Variants in KAZN observed in about 807,000 individuals in gnomAD.
KAZN encodes the protein kazrin.
Under a neutral mutation model 87.4 loss-of-function variants are expected in KAZN, and 40 were observed. That is an observed-to-expected ratio of 0.46 (90% confidence interval 0.36 to 0.60). The LOEUF (loss-of-function observed/expected upper bound fraction) is 0.60, where lower values mean the gene tolerates loss of function less well. KAZN is among the 20% of genes least tolerant of loss of function. The pLI, the probability that KAZN is intolerant of heterozygous loss-of-function variation, is 0.00. For missense variants in KAZN, 898 were observed against 1,073.9 expected (o/e 0.84, Z 2.29); for synonymous variants, 466 against 458.3 (o/e 1.02, Z -0.22).
At chr1:14,056,331 A>T (rs937021760) in intron 1 of KAZN, among the ~76,000 whole-genome samples, 1 of 152,222 alleles carries the variant, frequency 6.6e-6, no homozygotes, top group African/African-American at 2.4e-5. Flanking sequence ...TTCTTCCATG[A>T]TGAAGGCAGA....
At chr1:14,976,057 A>G (rs1194797532) in intron 2 of KAZN, among the ~76,000 whole-genome samples, 6 of 150,970 alleles carry the variant, frequency 4.0e-5, no homozygotes, top group Non-Finnish European at 8.9e-5. Context: ...AAAAAAAGCA[A>G]AGAAAGTACA....
At chr1:14,991,828 C>T (rs891793328) in intron 2 of KAZN, among the ~76,000 whole-genome samples, 2 of 152,240 alleles carry the variant, frequency 1.3e-5, no homozygotes, top group Non-Finnish European at 2.9e-5. Context: ...CCAGGATCCA[C>T]TGATGCTCTA....
At chr1:14,667,479 C>T (rs1187263265) in intron 1 of KAZN, among the ~76,000 whole-genome samples, 1 of 152,202 alleles carries the variant, frequency 6.6e-6, no homozygotes, top group Non-Finnish European at 1.5e-5. Flanking sequence ...CTGTGCTGTT[C>T]TCTGAACCAC....
intron 2 of KAZN, among the ~76,000 whole-genome samples, chr1:14,375,386 G>T (rs1186729849): frequency 6.6e-6 from 1 of 152,116 alleles, no homozygotes; most frequent in African/African-American, 2.4e-5. Flanking sequence ...CAGATGGCTT[G>T]CTTCTCACCC....
Position 15,066,349 on chromosome 1 carries a change from G to T in KAZN, c.1222+596G>T. The T allele has an allele frequency of 1.1e-6, 1 of 931,690 alleles. No homozygotes were observed. The highest frequency in any genetic ancestry group is 1.3e-6 in the Non-Finnish European group (1 of 785,726). The allele number at this position is 931,690 out of a possible 1,614,324, so 57.7% of individuals were successfully genotyped here. On this transcript the variant is annotated intron_variant, in intron 8 of 14. Coordinates refer to ENST00000376030, the MANE Select transcript of KAZN (RefSeq NM_201628.3). The surrounding 1 kb of genome is among the most constrained non-coding windows in gnomAD (Gnocchi z 4.3). ...TGATGTCCCCCCTCCCGCCCCCCTG[G>T]TGTGAACGTGTGGGACCAGACCCTG... is the stretch of plus-strand genomic sequence containing the variant.
intron 1 of KAZN, among the ~76,000 whole-genome samples, chr1:13,918,610 G>A (rs1639946183): frequency 6.6e-6 from 1 of 152,248 alleles, no homozygotes; most frequent in Non-Finnish European, 1.5e-5. Context: ...AAGTTCTACT[G>A]TGTATAAAAT....
chr1:14,097,952 C>G (rs1341554331), intron 1 of KAZN, among the ~76,000 whole-genome samples: 3 of 151,920 alleles, frequency 2.0e-5, no homozygotes, highest in African/African-American at 7.3e-5. Flanking sequence ...TCAGTAGTAA[C>G]AGCAAAAATA....
intron 1 of KAZN, among the ~76,000 whole-genome samples, chr1:14,762,120 G>C (rs1015270336): frequency 6.6e-6 from 1 of 152,070 alleles, no homozygotes; most frequent in Non-Finnish European, 1.5e-5. Context: ...TTCCAGAAGT[G>C]CTTTGGTAAC....
At chr1:14,434,827 G>A (rs560944673) in intron 2 of KAZN, among the ~76,000 whole-genome samples, 22 of 152,044 alleles carry the variant, frequency 1.4e-4, no homozygotes, top group African/African-American at 2.2e-4. Flanking sequence ...TCAGCCACTC[G>A]CTCTCGGTGG....
At position 14,441,476 on chromosome 1, in the gene KAZN, C is replaced by T. The variant is rs190873274; in HGVS notation, c.250-157507C>T. 2.4e-4 allele frequency among the ~76,000 whole-genome samples: 36 copies of T among 152,262 alleles called. 1 individual carries two copies. In the East Asian group the frequency reaches 3.9e-3, roughly 16 times the overall value. On this transcript the variant is annotated intron_variant, in intron 2 of 16. Transcript: ENST00000636203. ...TCAGAAACCCTGGGCGTGAGGCCAG[C>T]GACATTTTACAAGTCCTCCAGGTGA...
intron 2 of KAZN, among the ~76,000 whole-genome samples, chr1:14,430,003 C>A (rs1282227517): frequency 1.3e-5 from 2 of 152,106 alleles, no homozygotes; most frequent in African/African-American, 4.8e-5. Context: ...TCCAGCCACA[C>A]TGGCTTGGCT....
intron 1 of KAZN, among the ~76,000 whole-genome samples, chr1:14,628,019 C>T (rs571394859): frequency 5.3e-5 from 8 of 152,070 alleles, no homozygotes; most frequent in Non-Finnish European, 7.4e-5. Context: ...ACCTTCTCAC[C>T]CTCTCTTTCC....
chr1:13,999,201 T>C (rs1639665376), intron 1 of KAZN, among the ~76,000 whole-genome samples: 1 of 152,118 alleles, frequency 6.6e-6, no homozygotes, highest in South Asian at 2.1e-4. Flanking sequence ...TAGAAAAAAT[T>C]AGCTGGGTGT....
chr1:14,304,487 A>G (rs893135771), intron 2 of KAZN: 19 of 396,076 alleles, frequency 4.8e-5, no homozygotes, highest in African/African-American at 1.4e-4. Context: ...CTAAGCTTCA[A>G]TGAGCAACTG....
chr1:14,130,960 A>G (rs1404969427), intron 1 of KAZN, among the ~76,000 whole-genome samples: 4 of 152,168 alleles, frequency 2.6e-5, no homozygotes, highest in African/African-American at 9.7e-5. Flanking sequence ...CACTGCTATG[A>G]AGACATACCT....
At chr1:14,836,471 G>A (rs1271171545) in intron 1 of KAZN, among the ~76,000 whole-genome samples, 1 of 152,160 alleles carries the variant, frequency 6.6e-6, no homozygotes, top group Non-Finnish European at 1.5e-5. Flanking sequence ...ATGTTCCACC[G>A]CTAAAGAGTG....
intron 1 of KAZN, among the ~76,000 whole-genome samples, chr1:14,661,255 G>A (rs1406671559): frequency 1.3e-5 from 2 of 152,150 alleles, no homozygotes; most frequent in African/African-American, 4.8e-5. Context: ...TATGAGGACA[G>A]ACCTACTCTC....
intron 1 of KAZN, among the ~76,000 whole-genome samples, chr1:14,791,936 A>G (rs1645687942): frequency 6.6e-6 from 1 of 152,218 alleles, no homozygotes; most frequent in African/African-American, 2.4e-5. Context: ...CTGGAGGAGC[A>G]GCCACATTAG....
intron 1 of KAZN, among the ~76,000 whole-genome samples, chr1:14,154,953 T>TCTTACTTC (rs1645557816): frequency 7.4e-6 from 1 of 134,794 alleles, no homozygotes; most frequent in Non-Finnish European, 1.5e-5. Flanking sequence ...TTGTAGTTTT[T>TCTTACTTC]CTTCCTTCCT....
Sources: allele counts gnomAD v4.1 joint callset (sites outside exome capture counted in the v4.1 genomes callset), GRCh38; gene constraint gnomAD v4.1.1; non-coding constraint Gnocchi (gnomAD v3.1); transcripts MANE v1.5; gene names NCBI Gene and HGNC (gene_info 2026-07-23, HGNC 2026-07-21).